Variants in TBC1D5 observed in about 807,000 individuals in gnomAD.
TBC1D5 encodes TBC1 domain family, member 5.
TBC1D5 carries 75 observed loss-of-function variants against 100.3 expected under a neutral mutation model. The observed-to-expected ratio is 0.75, with a 90% CI of 0.62 to 0.91. The LOEUF (loss-of-function observed/expected upper bound fraction) is 0.91, where lower values mean the gene tolerates loss of function less well. Among genes scored for constraint, TBC1D5 ranks in the 40% least tolerant of loss-of-function variants. The probability of loss-of-function intolerance (pLI) is 0.00; values close to 1 mark genes in which losing one functional copy is unlikely to be tolerated. For missense variants in TBC1D5, 910 were observed against 942.4 expected, an observed-to-expected ratio of 0.97 and a Z score of 0.45; for synonymous variants, 323 against 325.6, an observed-to-expected ratio of 0.99 and a Z score of 0.09.
intron 3 of TBC1D5, among the ~76,000 whole-genome samples, chr3:17,451,019 A>C (rs965707580): frequency 2.6e-5 from 4 of 152,220 alleles, no homozygotes; most frequent in Non-Finnish European, 4.4e-5. Flanking sequence ...CCATCAGACT[A>C]ACAGCGGATC....
chr3:17,310,198 AAG>A (rs1043771788), intron 13 of TBC1D5, among the ~76,000 whole-genome samples: 4 of 152,112 alleles, frequency 2.6e-5, no homozygotes, highest in Non-Finnish European at 4.4e-5. Context: ...CTTGACTCTG[AAG>A]ATACACATAT....
intron 19 of TBC1D5, among the ~76,000 whole-genome samples, chr3:17,178,066 C>CTTTTTTT (rs34673889): frequency 1.5e-5 from 2 of 130,088 alleles, no homozygotes; most frequent in African/African-American, 3.0e-5. Flanking sequence ...AATAGTGCTC[C>CTTTTTTT]TTTTTTTTTT....
chr3:17,681,863 G>T lies in TBC1D5; in HGVS notation c.-101+57480C>A, dbSNP rs375933723. ...TATTTACGGCCGCTCCTCATCAGTC[G>T]CATGACTTACCTGAGCTCTGCCTCC... On this transcript the variant is annotated intron_variant, in intron 1 of 21. Coordinates refer to ENST00000253692, the Ensembl canonical transcript of TBC1D5. Among the ~76,000 whole-genome samples the T allele has an allele frequency of 1.3e-5, 2 of 151,494 alleles. 1 individual carries two copies. The highest frequency in any genetic ancestry group is 4.9e-5 in the African/African-American group (2 of 40,772).
At chr3:17,289,698 CAATTTA>C (rs2081530405) in intron 15 of TBC1D5, among the ~76,000 whole-genome samples, 1 of 151,118 alleles carries the variant, frequency 6.6e-6, no homozygotes, top group Non-Finnish European at 1.5e-5. Flanking sequence ...TCATCAGAGA[CAATTTA>C]ATTCAACCTC....
chr3:17,640,142 A>T (rs193149883), intron 1 of TBC1D5, among the ~76,000 whole-genome samples: 4 of 152,170 alleles, frequency 2.6e-5, no homozygotes, highest in Middle Eastern at 3.4e-3. Flanking sequence ...TATAACAATA[A>T]ATGCCAAACT....
At chr3:17,217,036 ACC>A (rs1409434577) in intron 17 of TBC1D5, among the ~76,000 whole-genome samples, 1 of 152,080 alleles carries the variant, frequency 6.6e-6, no homozygotes, top group Admixed American at 6.6e-5. Context: ...TTTCCAGTAT[ACC>A]CCCTCTTCCC....
intron 2 of TBC1D5, among the ~76,000 whole-genome samples, chr3:17,585,234 C>T (rs1358448681): frequency 6.6e-6 from 1 of 152,080 alleles, no homozygotes; most frequent in Non-Finnish European, 1.5e-5. Flanking sequence ...GGAATGGGTA[C>T]TAGAAGAGAT....
intron 2 of TBC1D5, among the ~76,000 whole-genome samples, chr3:17,555,792 C>T (rs925176322): frequency 3.3e-5 from 5 of 152,090 alleles, no homozygotes; most frequent in African/African-American, 1.2e-4. Flanking sequence ...TTTTGTCAGT[C>T]TTCTAATCTC....
At chr3:17,409,505 T>C (rs1476829013) in intron 4 of TBC1D5, among the ~76,000 whole-genome samples, 1 of 151,988 alleles carries the variant, frequency 6.6e-6, no homozygotes, top group Non-Finnish European at 1.5e-5. Flanking sequence ...ATGATTAAGC[T>C]TAGTGAGGAA....
intron 1 of TBC1D5, among the ~76,000 whole-genome samples, chr3:17,632,992 A>G (rs936121980): frequency 3.9e-5 from 6 of 152,174 alleles, no homozygotes; most frequent in African/African-American, 1.4e-4. Context: ...TATTCCAAGT[A>G]TTAACATAAT....
intron 19 of TBC1D5, among the ~76,000 whole-genome samples, chr3:17,171,210 G>C (rs1302864340): frequency 2.0e-5 from 3 of 152,094 alleles, no homozygotes; most frequent in Non-Finnish European, 4.4e-5. Context: ...ACAGTTTAAG[G>C]AGGCACCTAG....
At chr3:17,210,932 T>C (rs2072904699) in intron 18 of TBC1D5, among the ~76,000 whole-genome samples, 1 of 152,114 alleles carries the variant, frequency 6.6e-6, no homozygotes, top group African/African-American at 2.4e-5. Context: ...TTCCACTGAG[T>C]TTTACATTTT....
intron 2 of TBC1D5, among the ~76,000 whole-genome samples, chr3:17,586,188 T>C (rs1034721915): frequency 5.3e-5 from 8 of 152,164 alleles, no homozygotes; most frequent in African/African-American, 1.2e-4. Flanking sequence ...ACTGTGTTGG[T>C]TGGCCAACAC....
intron 17 of TBC1D5, among the ~76,000 whole-genome samples, chr3:17,228,584 C>T (rs2075131326): frequency 6.6e-6 from 1 of 152,148 alleles, no homozygotes; most frequent in South Asian, 2.1e-4. Flanking sequence ...ATAGAACCAT[C>T]ATATATGCAT....
intron 2 of TBC1D5, among the ~76,000 whole-genome samples, chr3:17,514,414 T>A (rs1005731095): frequency 1.3e-5 from 2 of 152,088 alleles, no homozygotes; most frequent in African/African-American, 4.8e-5. Flanking sequence ...ACCACACAAT[T>A]TTACTATCCA....
chr3:17,682,236 C>T lies in TBC1D5; in HGVS notation c.-101+57107G>A, dbSNP rs1013574720. Among the ~76,000 whole-genome samples, 4 of 151,040 alleles carry T rather than the reference C, an allele frequency of 2.6e-5. 1 individual carries two copies. Among genetic ancestry groups the T allele is most frequent in the African/African-American group, 9.9e-5 (4 of 40,540 alleles). ...CCAAGACAGGAGGACTGCTTGAGCC[C>T]AGGAGTTCAAGACCCCATCTCTAGA... On this transcript the variant is annotated intron_variant, in intron 1 of 21. Transcript: ENST00000253692.
At chr3:17,159,579 A>G (rs1400306520) in exon 22 of TBC1D5, 4 of 152,296 alleles carry the variant, frequency 2.6e-5, no homozygotes, top group Admixed American at 1.3e-4. Context: ...ATTCCTGCGC[A>G]GGCAAAGGAG....
chr3:17,606,680 AT>A (rs2061353681), intron 2 of TBC1D5, among the ~76,000 whole-genome samples: 1 of 152,322 alleles, frequency 6.6e-6, no homozygotes, highest in Admixed American at 6.5e-5. Context: ...TAAATATAGC[AT>A]TTTATAATAT....
chr3:17,500,289 C>G (rs1371685310), intron 3 of TBC1D5, among the ~76,000 whole-genome samples: 1 of 148,704 alleles, frequency 6.7e-6, no homozygotes, highest in Non-Finnish European at 1.5e-5. Flanking sequence ...GAAGTAAGAC[C>G]AGAGGACTTT....
Sources: gnomAD v4.1 joint callset for allele counts (sites outside exome capture counted in the v4.1 genomes callset) on GRCh38, gnomAD v4.1.1 for gene constraint, MANE v1.5 for transcripts, NCBI Gene and HGNC (gene_info 2026-07-23, HGNC 2026-07-21) for gene names.